FERRY3: variants seen among roughly 807,000 people sequenced by gnomAD.
The protein encoded by FERRY3 is FERRY endosomal RAB5 effector complex subunit 3.
the FERRY3 span, chr12:4,525,215 T>C: frequency 1.3e-6 from 2 of 1,589,142 alleles, no homozygotes; most frequent in Non-Finnish European, 1.7e-6. Context: ...TTACTAACAA[T>C]GGACTACTAT....
At chr12:4,501,554 C>T in the FERRY3 span, among the ~76,000 whole-genome samples, 2 of 152,118 alleles carry the variant, frequency 1.3e-5, 1 homozygote, top group South Asian at 4.1e-4. Flanking sequence ...TAGATTCTCA[C>T]AGGAGCACGA....
At chr12:4,517,060 C>T in the FERRY3 span, 1 of 1,543,250 alleles carries the variant, frequency 6.5e-7, no homozygotes, top group South Asian at 1.3e-5. Context: ...GTTTTACCCA[C>T]CAAGTGATTC....
chr12:4,538,146 C>T, the FERRY3 span, among the ~76,000 whole-genome samples: 1 of 152,140 alleles, frequency 6.6e-6, no homozygotes, highest in South Asian at 2.1e-4. Flanking sequence ...TCCTCTCGCT[C>T]TTTTTTTAGA....
chr12:4,515,433 C>G, the FERRY3 span, among the ~76,000 whole-genome samples: 4 of 152,174 alleles, frequency 2.6e-5, no homozygotes, highest in Non-Finnish European at 5.9e-5. Context: ...CACACATACA[C>G]AAACAGACAC....
chr12:4,519,934 G>A, the FERRY3 span, among the ~76,000 whole-genome samples: 2 of 152,202 alleles, frequency 1.3e-5, no homozygotes, highest in African/African-American at 4.8e-5. The surrounding 1 kb of genome is among the most constrained non-coding windows in gnomAD (Gnocchi z 4.3). Context: ...GAGGACTGCT[G>A]ATCTACAAAA....
At chr12:4,531,031 A>G in the FERRY3 span, among the ~76,000 whole-genome samples, 2 of 152,194 alleles carry the variant, frequency 1.3e-5, no homozygotes, top group African/African-American at 4.8e-5. Flanking sequence ...ACTGGAATTT[A>G]TAATATGACT....
the FERRY3 span, among the ~76,000 whole-genome samples, chr12:4,514,907 A>G: frequency 6.6e-6 from 1 of 151,734 alleles, no homozygotes; most frequent in Admixed American, 6.6e-5. Context: ...ATAAAATAAA[A>G]AATATTTAGG....
At chr12:4,535,266 T>G in the FERRY3 span, among the ~76,000 whole-genome samples, 1 of 152,212 alleles carries the variant, frequency 6.6e-6, no homozygotes, top group Non-Finnish European at 1.5e-5. The surrounding 1 kb of genome is among the most constrained non-coding windows in gnomAD (Gnocchi z 4.0). Context: ...TTAAACAGAC[T>G]GCCACATGCT....
the FERRY3 span, among the ~76,000 whole-genome samples, chr12:4,522,666 G>A: frequency 1.3e-5 from 2 of 152,230 alleles, no homozygotes; most frequent in Admixed American, 6.5e-5. Context: ...ATTCCTAGGG[G>A]AGAGGGATTG....
the FERRY3 span, among the ~76,000 whole-genome samples, chr12:4,532,908 G>A: frequency 6.6e-6 from 1 of 152,284 alleles, no homozygotes; most frequent in South Asian, 2.1e-4. Context: ...TCGGGCTTTA[G>A]AGAGCTGTAG....
chr12:4,491,401 C>T, the FERRY3 span, among the ~76,000 whole-genome samples: 2 of 152,104 alleles, frequency 1.3e-5, no homozygotes, highest in Non-Finnish European at 2.9e-5. Context: ...GCAGCTTCTT[C>T]CAGCTGTTAG....
At chr12:4,521,282 G>A in the FERRY3 span, among the ~76,000 whole-genome samples, 11 of 152,046 alleles carry the variant, frequency 7.2e-5, no homozygotes, top group South Asian at 4.2e-4. Context: ...TTGCTTGAAC[G>A]CAGGAGGTGG....
chr12:4,496,062 G>A, the FERRY3 span, among the ~76,000 whole-genome samples: 1 of 152,190 alleles, frequency 6.6e-6, no homozygotes, highest in South Asian at 2.1e-4. Flanking sequence ...GTATATGCAT[G>A]TGCACGCACA....
the FERRY3 span, chr12:4,488,048 G>A: frequency 3.9e-5 from 6 of 152,156 alleles, no homozygotes; most frequent in African/African-American, 1.2e-4. The surrounding 1 kb of genome is among the most constrained non-coding windows in gnomAD (Gnocchi z 4.9). Flanking sequence ...TGGTGTTTGT[G>A]TGTTTCCATC....
the FERRY3 span, among the ~76,000 whole-genome samples, chr12:4,514,940 T>C: frequency 2.0e-5 from 3 of 150,658 alleles, no homozygotes. Flanking sequence ...AAACCTATGG[T>C]ACCAATTTAA....
chr12:4,538,097 A>T, the FERRY3 span, among the ~76,000 whole-genome samples: 1 of 152,068 alleles, frequency 6.6e-6, no homozygotes, highest in African/African-American at 2.4e-5. Flanking sequence ...TTCAACATTT[A>T]GACTTGTGTT....
the FERRY3 span, among the ~76,000 whole-genome samples, chr12:4,493,408 T>C: frequency 0.023 from 3,534 of 152,316 alleles, 146 homozygotes; most frequent in African/African-American, 0.08. Flanking sequence ...TCCATGGACA[T>C]TTAAAAAGAA....
chr12:4,514,639 G>A, the FERRY3 span, among the ~76,000 whole-genome samples: 4,889 of 149,566 alleles, frequency 0.033, 108 homozygotes, highest in South Asian at 0.049. Flanking sequence ...GTAAACTATC[G>A]CAAGAACAAA....
At chr12:4,530,704 G>C in the FERRY3 span, among the ~76,000 whole-genome samples, 1 of 152,138 alleles carries the variant, frequency 6.6e-6, no homozygotes, top group East Asian at 1.9e-4. Flanking sequence ...ATATAAAAAT[G>C]GTAGCTATTA....
Sources: gnomAD v4.1 joint callset for allele counts (sites outside exome capture counted in the v4.1 genomes callset) on GRCh38, gnomAD v4.1.1 for gene constraint, Gnocchi (gnomAD v3.1) non-coding constraint, MANE v1.5 for transcripts, NCBI Gene and HGNC (gene_info 2026-07-23, HGNC 2026-07-21) for gene names.